The following FRMPD1 variants were observed in gnomAD, a reference collection of about 807,000 sequenced individuals.
FRMPD1 encodes FERM and PDZ domain-containing protein 1.
FRMPD1 carries 76 observed loss-of-function variants against 117.8 expected under a neutral mutation model. The ratio of observed to expected loss-of-function variants is 0.65; its 90% CI spans 0.54 to 0.78. The LOEUF (loss-of-function observed/expected upper bound fraction) is 0.78, where lower values mean the gene tolerates loss of function less well. Among genes scored for constraint, FRMPD1 ranks in the 30% least tolerant of loss-of-function variants. The pLI is 0.00. For missense variants in FRMPD1, 1,786 were observed against 1,964.5 expected, an observed-to-expected ratio of 0.91 and a Z score of 1.72; for synonymous variants, 783 against 770.4, an observed-to-expected ratio of 1.02 and a Z score of -0.27.
chr9:37,614,431 G>A, the FRMPD1 span, among the ~76,000 whole-genome samples: 1 of 152,188 alleles, frequency 6.6e-6, no homozygotes, highest in Admixed American at 6.5e-5. Flanking sequence ...TTGCCACAGA[G>A]GGAATCCCTG....
chr9:37,631,956 G>GA, the FRMPD1 span, among the ~76,000 whole-genome samples: 1 of 151,790 alleles, frequency 6.6e-6, no homozygotes, highest in South Asian at 2.1e-4. Flanking sequence ...TAATTTTAAT[G>GA]ATTTTTTTCC....
At chr9:37,706,498 C>T (rs1486889507) in intron 2 of FRMPD1, among the ~76,000 whole-genome samples, 1 of 152,164 alleles carries the variant, frequency 6.6e-6, no homozygotes, top group Non-Finnish European at 1.5e-5. Context: ...CAATAAACAC[C>T]TCATCCCATC....
chr9:37,719,067 A>G lies in FRMPD1; in HGVS notation c.409-2A>G. 1.3e-6 allele frequency: 2 copies of G among 1,578,728 alleles called. No homozygotes were observed. Among genetic ancestry groups the G allele is most frequent in the Non-Finnish European group, 1.7e-6 (2 of 1,147,718 alleles). On this transcript the variant is annotated splice_acceptor_variant, in intron 5 of 15. Transcript: ENST00000377765. LOFTEE classifies it high-confidence loss of function. ...AAAATGCATCATGTTACTGTTTTTC[A>G]GGGAGTCCCTAAATCGTCCTTCCTG...
chr9:37,700,296 C>T (rs1367617637), intron 2 of FRMPD1, among the ~76,000 whole-genome samples: 1 of 152,080 alleles, frequency 6.6e-6, no homozygotes, highest in Non-Finnish European at 1.5e-5. Context: ...AGTGAATGGC[C>T]CCCTAGAAAC....
chr9:37,713,732 G>A (rs16934420), intron 5 of FRMPD1, among the ~76,000 whole-genome samples: 6,146 of 151,954 alleles, frequency 0.04, 464 homozygotes, highest in East Asian at 0.36. Flanking sequence ...CAAATCTGTG[G>A]GAGAAAAGGC....
rs1588951489 is a variant in FRMPD1, at chr9:37,715,737, G to C, written c.409-3332G>C. The C allele has an allele frequency of 6.6e-6, 3 of 456,098 alleles. No homozygotes were observed. The East Asian group carries it at 2.1e-4, about 32-fold the overall frequency. The allele number at this position is 456,098 out of a possible 1,614,324, so 28.3% of individuals were successfully genotyped here. A position where few individuals can be genotyped will look rare whatever the true frequency, so the allele number is the denominator to read the frequency against. ...ATGCCAAGATATTCATGGTAGCAGA[G>C]CTGATGTTCAGGTATAAAAGTACGG... On this transcript the variant is annotated intron_variant, in intron 5 of 15. Transcript: ENST00000377765.
rs1253906505 is a variant in FRMPD1 at position 37,727,292 on chromosome 9, T to G, written c.613-2436T>G. 2.0e-5 allele frequency among the ~76,000 whole-genome samples: 3 copies of G among 152,072 alleles called. No individual in the cohort carries two copies. The East Asian group carries it at 5.8e-4, about 29-fold the overall frequency. On this transcript the variant is annotated intron_variant, in intron 7 of 15. Transcript: ENST00000377765. ...AGATCAAGAGTCAGCAAACCTTCTG[T>G]AAAGGGCCACATAGTGAGTATTTTA...
chr9:37,741,707 T>C (rs780818513), intron 15 of FRMPD1, among the ~76,000 whole-genome samples: 9 of 152,302 alleles, frequency 5.9e-5, no homozygotes, highest in Non-Finnish European at 1.0e-4. Context: ...CTCTGTGACA[T>C]GGCCTCTGCC....
chr9:37,664,337 G>A (rs752837837), intron 1 of FRMPD1, among the ~76,000 whole-genome samples: 4 of 151,688 alleles, frequency 2.6e-5, no homozygotes, highest in East Asian at 1.9e-4. Flanking sequence ...TTTAAGTTCC[G>A]GGATACATGT....
At chr9:37,658,425 A>G (rs1462879410) in intron 1 of FRMPD1, among the ~76,000 whole-genome samples, 3 of 152,200 alleles carry the variant, frequency 2.0e-5, no homozygotes, top group East Asian at 3.9e-4. Flanking sequence ...CTGTCTGACT[A>G]CTTCTTAGGT....
intron 1 of FRMPD1, among the ~76,000 whole-genome samples, chr9:37,673,439 C>T (rs1003852345): frequency 6.6e-5 from 10 of 152,214 alleles, no homozygotes; most frequent in African/African-American, 1.9e-4. Flanking sequence ...CATGGGCTGG[C>T]GTTGAGTGTC....
chr9:37,717,369 G>GTGTGTGTGTGTGTGTATA (rs1407798527), intron 5 of FRMPD1, among the ~76,000 whole-genome samples: 1 of 94,134 alleles, frequency 1.1e-5, no homozygotes, highest in East Asian at 2.5e-4. Context: ...GTGTGTGTGT[G>GTGTGTGTGTGTGTGTATA]TATATATATA....
At chr9:37,639,591 T>A in the FRMPD1 span, among the ~76,000 whole-genome samples, 1 of 152,196 alleles carries the variant, frequency 6.6e-6, no homozygotes, top group South Asian at 2.1e-4. Context: ...CTCTGTATCC[T>A]TCGTAACACC....
chr9:37,744,836 ACT>A lies in FRMPD1; in HGVS notation c.2808_2809del (p.Arg937SerfsTer12). 1 of 1,613,870 alleles carries A rather than the reference ACT, an allele frequency of 6.2e-7. No homozygotes were observed. Among genetic ancestry groups the A allele is most frequent in the Non-Finnish European group, 8.5e-7 (1 of 1,179,922 alleles). ...ACCATGGAAACCAAATCAGTCATCG[ACT>A]CTCGAGTGTCTTCTATTTCTGCCAT... On this transcript the variant is annotated frameshift_variant, in exon 16 of 16. Transcript: ENST00000377765. LOFTEE classifies it low-confidence loss of function (END_TRUNC).
intron 4 of FRMPD1, among the ~76,000 whole-genome samples, chr9:37,710,959 C>CA (rs33962036): frequency 0.013 from 1,406 of 106,888 alleles, 12 homozygotes; most frequent in African/African-American, 0.03. Context: ...CTCTGTCTCA[C>CA]AAAAAAAAAA....
the FRMPD1 span, among the ~76,000 whole-genome samples, chr9:37,634,380 T>C: frequency 6.6e-6 from 1 of 152,200 alleles, no homozygotes; most frequent in Non-Finnish European, 1.5e-5. Flanking sequence ...CTCTAGCGTG[T>C]TTTTCTCATT....
Position 37,744,434 on chromosome 9 carries a change from A to C in FRMPD1, c.2402A>C (p.Gln801Pro). 1.2e-6 allele frequency: 2 copies of C among 1,612,856 alleles called. No individual in the cohort carries two copies. ...GCAGAACCCAGTGCCACAAGCTTGC[A>C]GAATAAGGCCAGCACTTCTAGCCCT... ...STAEPSATSLQNKASTSSPEN... is the reference protein window; with the variant it reads ...STAEPSATSLPNKASTSSPEN... Residue 801 changes from glutamine to proline, a missense_variant, in exon 16 of 16, where the codon CAG becomes CCG. Coordinates refer to ENST00000377765, the MANE Select transcript of FRMPD1 (RefSeq NM_014907.3).
chr9:37,650,520 G>A (rs1414362425), upstream of FRMPD1, among the ~76,000 whole-genome samples: 1 of 152,196 alleles, frequency 6.6e-6, no homozygotes, highest in African/African-American at 2.4e-5. Context: ...GTGGGGGTCA[G>A]GGGGCGAGTC....
At chr9:37,655,496 C>CTTTTTTTT (rs10615941) in intron 1 of FRMPD1, among the ~76,000 whole-genome samples, 14 of 88,596 alleles carry the variant, frequency 1.6e-4, no homozygotes, top group East Asian at 4.9e-4. Flanking sequence ...TGTCCCCACT[C>CTTTTTTTT]TTTTTTTTTT....
Sources: allele counts gnomAD v4.1 joint callset (sites outside exome capture counted in the v4.1 genomes callset), GRCh38; gene constraint gnomAD v4.1.1; transcripts MANE v1.5; gene names NCBI Gene and HGNC (gene_info 2026-07-23, HGNC 2026-07-21).